The following ARMH3 variants were observed in gnomAD, a reference collection of about 807,000 sequenced individuals.
ARMH3 encodes armadillo like helical domain containing 3.
Under a neutral mutation model 99.1 loss-of-function variants are expected in ARMH3, and 60 were observed. That is an observed-to-expected ratio of 0.61 (90% CI 0.49 to 0.75). ARMH3 has a LOEUF of 0.75. ARMH3 is among the 30% of genes least tolerant of loss of function. The pLI, the probability that ARMH3 is intolerant of heterozygous loss-of-function variation, is 0.00. For missense variants in ARMH3, 679 were observed against 843.1 expected (o/e 0.81, Z 2.41); for synonymous variants, 285 against 292.8 (o/e 0.97, Z 0.27).
At chr10:101,942,191 T>C (rs1247837493) in intron 22 of ARMH3, among the ~76,000 whole-genome samples, 4 of 152,186 alleles carry the variant, frequency 2.6e-5, no homozygotes, top group Non-Finnish European at 5.9e-5. Flanking sequence ...ATCATTTATG[T>C]AGTAAATTAT....
At chr10:101,929,383 G>T (rs1843631863) in intron 23 of ARMH3, among the ~76,000 whole-genome samples, 1 of 152,174 alleles carries the variant, frequency 6.6e-6, no homozygotes, top group Non-Finnish European at 1.5e-5. Flanking sequence ...TCCCACAAAG[G>T]AAATGTATGT....
chr10:101,956,715 G>A lies in ARMH3; in HGVS notation c.1587C>T (p.Asn529=), dbSNP rs1450606329. 1 of 1,612,720 alleles carries A rather than the reference G, an allele frequency of 6.2e-7. No homozygotes were observed. The highest frequency in any genetic ancestry group is 2.2e-5 in the East Asian group (1 of 44,842). The change falls in exon 22 of 26, where the codon AAC becomes AAT. Residue 529 remains asparagine (N), a synonymous_variant. Coordinates refer to ENST00000370033, the MANE Select transcript of ARMH3 (RefSeq NM_024541.3). Reference sequence around the variant, plus strand: ...CATATGTGATAAACATATTAAATAGGTTCACAATCTAAAAAAGAAGGAAAG... The same window carrying A: ...CATATGTGATAAACATATTAAATAGATTCACAATCTAAAAAAGAAGGAAAG... The part of the protein sequence containing the change: ...NIFTLALMIV[N]LFNMFITYGD...
chr10:102,053,660 ATTTT>A (rs773324618), intron 1 of ARMH3, among the ~76,000 whole-genome samples: 1 of 143,122 alleles, frequency 7.0e-6, no homozygotes. Flanking sequence ...CACTGTATAA[ATTTT>A]TTTTTTTTTT....
At chr10:101,871,439 A>G (rs532701171) in intron 24 of ARMH3, among the ~76,000 whole-genome samples, 8 of 152,402 alleles carry the variant, frequency 5.2e-5, no homozygotes, top group African/African-American at 1.7e-4. Flanking sequence ...ACAATAATCA[A>G]GACATGGTAG....
At chr10:101,896,427 G>C (rs2067837225) in intron 23 of ARMH3, among the ~76,000 whole-genome samples, 1 of 152,182 alleles carries the variant, frequency 6.6e-6, no homozygotes, top group African/African-American at 2.4e-5. Context: ...GGAGGGTTAG[G>C]GAAGAATAGG....
chr10:101,939,314 G>A (rs149503634), intron 23 of ARMH3, among the ~76,000 whole-genome samples: 48 of 152,298 alleles, frequency 3.2e-4, no homozygotes, highest in African/African-American at 1.1e-3. Context: ...GCTCACACCT[G>A]TGCATGGGTG....
Position 101,873,032 on chromosome 10 carries a change from G to T in ARMH3, c.1860+16380C>A, listed in dbSNP as rs552283842. Among the ~76,000 whole-genome samples the T allele has an allele frequency of 2.3e-3, 350 of 152,106 alleles. 1 individual carries two copies. The highest frequency in any genetic ancestry group is 3.5e-3 in the South Asian group (17 of 4,818). On this transcript the variant is annotated intron_variant, in intron 24 of 25. Transcript: ENST00000370033. ...TAAAATTAAAGACTCATAATTCCCAGTGTGGCAAAGACATGGTGTAGTTGG... is the reference window on the plus strand; with the variant it reads ...TAAAATTAAAGACTCATAATTCCCATTGTGGCAAAGACATGGTGTAGTTGG...
chr10:102,053,119 A>G (rs2067746604), intron 1 of ARMH3, among the ~76,000 whole-genome samples: 1 of 150,988 alleles, frequency 6.6e-6, no homozygotes, highest in Non-Finnish European at 1.5e-5. Flanking sequence ...CTCTCAGTCA[A>G]TTGCAACAAC....
chr10:102,017,150 A>G (rs1220246012), intron 8 of ARMH3, among the ~76,000 whole-genome samples: 2 of 152,206 alleles, frequency 1.3e-5, no homozygotes, highest in Non-Finnish European at 2.9e-5. Context: ...ACACTGCCTC[A>G]TGCTAGTTTG....
intron 15 of ARMH3, among the ~76,000 whole-genome samples, chr10:102,000,564 G>A (rs1341779073): frequency 7.1e-6 from 1 of 141,694 alleles, no homozygotes; most frequent in Non-Finnish European, 1.6e-5. Context: ...TTCAAGACCA[G>A]CCTGGGCAAC....
intron 22 of ARMH3, among the ~76,000 whole-genome samples, chr10:101,946,778 C>T (rs1046793678): frequency 5.3e-4 from 80 of 151,756 alleles, no homozygotes; most frequent in African/African-American, 1.9e-3. Flanking sequence ...AAAGACTTCC[C>T]CAAATTTGGT....
chr10:101,851,593 TC>T (rs922775294), intron 24 of ARMH3, among the ~76,000 whole-genome samples: 2 of 152,134 alleles, frequency 1.3e-5, no homozygotes, highest in African/African-American at 4.8e-5. Context: ...TCTGCACTGT[TC>T]CCTGCACCAG....
In ARMH3 at chr10:101,847,466, C is replaced by G; in HGVS notation, c.*62G>C. ...GGGGCAGCCCCCTCTCCCCTCGCTC[C>G]CCCTCCAGCCCATGATCCTCATGGG... On this transcript the variant is annotated 3_prime_UTR_variant, in exon 26 of 26. Transcript: ENST00000370033. 1 of 1,539,762 alleles carries G rather than the reference C, an allele frequency of 6.5e-7. No individual in the cohort carries two copies. The highest frequency in any genetic ancestry group is 9.0e-7 in the Non-Finnish European group (1 of 1,113,802).
chr10:101,959,313 G>A (rs1273527148), intron 20 of ARMH3, among the ~76,000 whole-genome samples: 12 of 152,194 alleles, frequency 7.9e-5, no homozygotes, highest in South Asian at 2.1e-4. Context: ...AGTGAGCTAC[G>A]TGGGGGCTGC....
At chr10:101,981,586 C>T (rs1286396792) in intron 19 of ARMH3, among the ~76,000 whole-genome samples, 2 of 152,218 alleles carry the variant, frequency 1.3e-5, no homozygotes, top group South Asian at 2.1e-4. Context: ...AATAATAAGC[C>T]TCCATTGCTA....
chr10:102,040,628 A>G (rs920885957), intron 1 of ARMH3, among the ~76,000 whole-genome samples: 2 of 152,174 alleles, frequency 1.3e-5, no homozygotes, highest in Non-Finnish European at 2.9e-5. Context: ...TTACTTGGCC[A>G]ACAGCACAAC....
intron 1 of ARMH3, among the ~76,000 whole-genome samples, chr10:102,049,182 G>A (rs2067630404): frequency 6.6e-6 from 1 of 152,134 alleles, no homozygotes; most frequent in African/African-American, 2.4e-5. Context: ...TCTAAGACAA[G>A]CAAATAACCC....
chr10:102,005,874 A>T (rs1388418160), intron 14 of ARMH3, among the ~76,000 whole-genome samples: 1 of 152,212 alleles, frequency 6.6e-6, no homozygotes, highest in Non-Finnish European at 1.5e-5. Flanking sequence ...CCAAACTCCC[A>T]ATTATAATAC....
intron 24 of ARMH3, 47 bp downstream of exon 24, chr10:101,889,365 T>G (rs780316161): frequency 1.3e-5 from 20 of 1,538,374 alleles, no homozygotes; most frequent in Non-Finnish European, 1.8e-5. Flanking sequence ...AGGCAACTGC[T>G]TGATCCTAGC....
Sources: gnomAD v4.1 joint callset for allele counts (sites outside exome capture counted in the v4.1 genomes callset) on GRCh38, gnomAD v4.1.1 for gene constraint, MANE v1.5 for transcripts, NCBI Gene and HGNC (gene_info 2026-07-23, HGNC 2026-07-21) for gene names.